Variants in ANO2 observed in about 807,000 individuals in gnomAD.
ANO2 encodes the protein anoctamin-2.
ANO2 carries 101 observed loss-of-function variants against 124.2 expected under a neutral mutation model. The observed-to-expected ratio is 0.81, with a 90% CI of 0.69 to 0.96. The LOEUF (loss-of-function observed/expected upper bound fraction) is 0.96. ANO2 is among the 40% of genes least tolerant of loss of function. The pLI is 0.00. For synonymous variants in ANO2, 486 were observed against 482.5 expected, an observed-to-expected ratio of 1.01 and a Z score of -0.09; for missense variants, 1,293 against 1,274.5, an observed-to-expected ratio of 1.01 and a Z score of -0.22.
intron 10 of ANO2, among the ~76,000 whole-genome samples, chr12:5,752,089 T>C (rs1273517061): frequency 6.6e-6 from 1 of 152,204 alleles, no homozygotes; most frequent in Non-Finnish European, 1.5e-5. Context: ...ATATCCATTG[T>C]GTGTCCACAT....
At chr12:5,706,287 G>A (rs1049658150) in intron 14 of ANO2, among the ~76,000 whole-genome samples, 23 of 152,014 alleles carry the variant, frequency 1.5e-4, no homozygotes, top group African/African-American at 4.8e-5. Flanking sequence ...AAGTTCTGAC[G>A]GAGGCTGATG....
At chr12:5,805,658 G>A (rs1181855358) in intron 9 of ANO2, among the ~76,000 whole-genome samples, 1 of 152,152 alleles carries the variant, frequency 6.6e-6, no homozygotes, top group African/African-American at 2.4e-5. Context: ...GAGGTGTTCC[G>A]AGCCCCATCT....
intron 1 of ANO2, among the ~76,000 whole-genome samples, chr12:5,942,152 T>TA (rs1942921803): frequency 6.6e-6 from 1 of 152,120 alleles, no homozygotes; most frequent in South Asian, 2.1e-4. Flanking sequence ...CTGCTCCAAA[T>TA]AGACTACTAG....
At chr12:5,866,768 C>A (rs945920303) in intron 3 of ANO2, among the ~76,000 whole-genome samples, 2 of 152,346 alleles carry the variant, frequency 1.3e-5, no homozygotes, top group Admixed American at 1.3e-4. Context: ...ATGCTGCTGC[C>A]AGTGCATTTT....
intron 10 of ANO2, among the ~76,000 whole-genome samples, chr12:5,796,069 AC>A (rs1952835165): frequency 6.6e-6 from 1 of 151,960 alleles, no homozygotes; most frequent in Non-Finnish European, 1.5e-5. Flanking sequence ...ATTGGGGTGC[AC>A]TCACTCATCG....
intron 19 of ANO2, among the ~76,000 whole-genome samples, chr12:5,605,336 T>C (rs1944166638): frequency 6.6e-6 from 1 of 152,216 alleles, no homozygotes; most frequent in Admixed American, 6.5e-5. Flanking sequence ...TGTCTGGAAA[T>C]ATAACATTTA....
chr12:5,575,784 G>T lies in ANO2; in HGVS notation c.2621+50C>A. The T allele has an allele frequency of 4.4e-6, 7 of 1,576,776 alleles. No individual in the cohort carries two copies. In the East Asian group the frequency reaches 1.3e-4, roughly 30 times the overall value. ...TCTAGGTCGTCCCCGTAATTATTTGGATCTATTGCTTCTGGTCCTCTGCTG... is the reference window on the plus strand; with the variant it reads ...TCTAGGTCGTCCCCGTAATTATTTGTATCTATTGCTTCTGGTCCTCTGCTG... On this transcript the variant is annotated intron_variant, in intron 23 of 24. Coordinates refer to ENST00000682330, the MANE Select transcript of ANO2 (RefSeq NM_001364791.2).
intron 14 of ANO2, among the ~76,000 whole-genome samples, chr12:5,704,925 T>C (rs1949546160): frequency 6.6e-6 from 1 of 152,332 alleles, no homozygotes; most frequent in South Asian, 2.1e-4. Flanking sequence ...TAACCTACTT[T>C]AAGTAATTAA....
rs893706074 is a variant in ANO2, at chr12:5,769,522, A to G, written c.1056-18552T>C. Among the ~76,000 whole-genome samples the G allele has an allele frequency of 2.0e-5, 3 of 152,210 alleles. No individual in the cohort carries two copies. Among genetic ancestry groups the G allele is most frequent in the African/African-American group, 7.2e-5 (3 of 41,456 alleles). ...TAAATTACAGCAAGAAAAACAAAGC[A>G]GGCAGAAACCGAGTCACAGCATTGG... is the stretch of plus-strand genomic sequence containing the variant. On this transcript the variant is annotated intron_variant, in intron 10 of 24. Coordinates refer to ENST00000682330, the MANE Select transcript of ANO2 (RefSeq NM_001364791.2). The surrounding 1 kb of genome is among the most constrained non-coding windows in gnomAD (Gnocchi z 4.0).
intron 16 of ANO2, among the ~76,000 whole-genome samples, chr12:5,618,912 G>A (rs982590509): frequency 6.6e-6 from 1 of 152,236 alleles, no homozygotes; most frequent in African/African-American, 2.4e-5. Flanking sequence ...GAGTCTTAGG[G>A]AAAGGCTGCA....
At chr12:5,897,561 GAATAA>G in intron 3 of ANO2, among the ~76,000 whole-genome samples, 1 of 152,250 alleles carries the variant, frequency 6.6e-6, no homozygotes, top group Non-Finnish European at 1.5e-5. Context: ...CAGACTAAGA[GAATAA>G]AATAAAGTCC....
chr12:5,732,619 C>A lies in ANO2; in HGVS notation c.1446G>T (p.Arg482Ser). Residue 482 changes from arginine (R) to serine (S), a missense_variant, in exon 14 of 25, where the codon AGG becomes AGT. Arg to Ser is a moderately radical substitution (Grantham distance 110). Coordinates refer to ENST00000682330, the MANE Select transcript of ANO2 (RefSeq NM_001364791.2). ...TGIEEEEEHS[R>S]PEYETKVREK... ...CTCGAACTTTGGTTTCATACTCAGG[C>A]CTGGAATGTTCCTAAACCAAAGAGC... is the stretch of plus-strand genomic sequence containing the variant. 1 of 1,613,508 alleles carries A rather than the reference C, an allele frequency of 6.2e-7. No individual in the cohort carries two copies. Among genetic ancestry groups the A allele is most frequent in the African/African-American group, 1.3e-5 (1 of 75,028 alleles).
At chr12:5,719,861 T>G (rs1401399918) in intron 14 of ANO2, among the ~76,000 whole-genome samples, 1 of 152,208 alleles carries the variant, frequency 6.6e-6, no homozygotes, top group Non-Finnish European at 1.5e-5. Flanking sequence ...GGTAACCTGA[T>G]TGACCAAGCA....
At chr12:5,941,099 G>C (rs1942876825) in intron 1 of ANO2, among the ~76,000 whole-genome samples, 1 of 152,164 alleles carries the variant, frequency 6.6e-6, no homozygotes, top group African/African-American at 2.4e-5. Flanking sequence ...AGGGCTAGGG[G>C]GAGGGAGGAA....
At chr12:5,644,428 A>C (rs2136951857) in intron 15 of ANO2, among the ~76,000 whole-genome samples, 1 of 152,138 alleles carries the variant, frequency 6.6e-6, no homozygotes, top group Non-Finnish European at 1.5e-5. Flanking sequence ...TCCATCCTTC[A>C]AGAGTTTCTT....
chr12:5,809,025 C>T (rs1953297336), intron 7 of ANO2, among the ~76,000 whole-genome samples: 1 of 152,310 alleles, frequency 6.6e-6, no homozygotes, highest in South Asian at 2.1e-4. Context: ...GGTACTGCTG[C>T]GTCACCAAAG....
At chr12:5,721,709 C>T (rs974066927) in intron 14 of ANO2, among the ~76,000 whole-genome samples, 3 of 152,074 alleles carry the variant, frequency 2.0e-5, no homozygotes, top group Non-Finnish European at 4.4e-5. Context: ...GGTCTTACTA[C>T]GTTGCCCACG....
rs142106710 is a variant in ANO2 at position 5,567,048 on chromosome 12, G to A, written c.2622-1385C>T. On this transcript the variant is annotated intron_variant, in intron 23 of 24. Coordinates refer to ENST00000682330, the MANE Select transcript of ANO2 (RefSeq NM_001364791.2). ...AGAGAAAAAGAGACGCACACACAAA[G>A]ATAAAAAAGAGCGCAGTGATAGAAT... Among the ~76,000 whole-genome samples the A allele has an allele frequency of 1.9e-4, 29 of 152,330 alleles. No homozygotes were observed. The East Asian group carries it at 5.6e-3, about 29-fold the overall frequency.
chr12:5,942,380 C>G (rs1025283348), intron 1 of ANO2, among the ~76,000 whole-genome samples: 6 of 152,076 alleles, frequency 3.9e-5, no homozygotes, highest in Non-Finnish European at 5.9e-5. Context: ...TTTTAAAAAC[C>G]TACTAATGAA....
Sources: allele counts gnomAD v4.1 joint callset (sites outside exome capture counted in the v4.1 genomes callset), GRCh38; gene constraint gnomAD v4.1.1; non-coding constraint Gnocchi (gnomAD v3.1); transcripts MANE v1.5; gene names NCBI Gene and HGNC (gene_info 2026-07-23, HGNC 2026-07-21).